The following MAD1L1 variants were observed in gnomAD, a reference collection of about 807,000 sequenced individuals.
The protein encoded by MAD1L1 is mitotic arrest deficient 1 like 1.
A neutral mutation model predicts 96.9 loss-of-function variants in MAD1L1; 95 were observed. That is an observed-to-expected ratio of 0.98 (90% confidence interval 0.83 to 1.16). MAD1L1 has a LOEUF of 1.16. MAD1L1 is among the 50% of genes most tolerant of loss of function. MAD1L1 has a pLI of 0.00. For synonymous variants in MAD1L1, 473 were observed against 396.6 expected (o/e 1.19, Z -2.29); for missense variants, 1,007 against 954.4 (o/e 1.06, Z -0.73).
At chr7:2,067,890 C>T (rs1360689082) in intron 12 of MAD1L1, among the ~76,000 whole-genome samples, 1 of 152,282 alleles carries the variant, frequency 6.6e-6, no homozygotes, top group African/African-American at 2.4e-5. Context: ...GTGCCACTGC[C>T]TGGCCCCGCT....
chr7:1,873,923 C>T (rs1244630367), intron 18 of MAD1L1, among the ~76,000 whole-genome samples: 1 of 152,154 alleles, frequency 6.6e-6, no homozygotes, highest in Non-Finnish European at 1.5e-5. Flanking sequence ...AGGGAGGAAG[C>T]GTGGAGCACA....
chr7:1,910,035 C>T (rs1787916961), intron 17 of MAD1L1, among the ~76,000 whole-genome samples: 1 of 152,296 alleles, frequency 6.6e-6, no homozygotes, highest in South Asian at 2.1e-4. Flanking sequence ...TTGCACAAAA[C>T]TGATATGAAA....
At chr7:1,982,795 C>T (rs949912338) in intron 14 of MAD1L1, among the ~76,000 whole-genome samples, 3 of 152,198 alleles carry the variant, frequency 2.0e-5, no homozygotes, top group African/African-American at 7.2e-5. Context: ...TTCACTGGAG[C>T]TGAAGCCAAT....
chr7:1,972,033 A>G (rs911622633), intron 15 of MAD1L1, among the ~76,000 whole-genome samples: 2 of 152,172 alleles, frequency 1.3e-5, no homozygotes, highest in Non-Finnish European at 2.9e-5. Context: ...TTAAACAGCA[A>G]TATCAAAAAC....
intron 18 of MAD1L1, among the ~76,000 whole-genome samples, chr7:1,840,226 C>A (rs1236718526): frequency 1.3e-5 from 2 of 152,222 alleles, no homozygotes; most frequent in African/African-American, 2.4e-5. Context: ...AGCCGGTGAG[C>A]GTGAGCAAGT....
At chr7:1,836,492 TCA>T (rs1469016136) in intron 18 of MAD1L1, among the ~76,000 whole-genome samples, 4 of 152,214 alleles carry the variant, frequency 2.6e-5, no homozygotes, top group African/African-American at 4.8e-5. Context: ...CCTGTAGGTC[TCA>T]GTCTTATTTC....
At chr7:1,934,880 C>T (rs535611415) in intron 17 of MAD1L1, among the ~76,000 whole-genome samples, 3 of 151,302 alleles carry the variant, frequency 2.0e-5, no homozygotes, top group Non-Finnish European at 2.9e-5. Flanking sequence ...AACAGACGGG[C>T]GAACCCGAGA....
rs537377327 is a variant in MAD1L1, at chr7:2,145,700, T to C, written c.1073+3452A>G. Among the ~76,000 whole-genome samples the C allele has an allele frequency of 2.2e-4, 34 of 152,310 alleles. No individual in the cohort carries two copies. The South Asian group carries it at 7.0e-3, about 32-fold the overall frequency. ...TCCTGCACCAGGTTGCACGGCAAGC[T>C]GACATCAGACCCTCCCTGGGCGGCC... On this transcript the variant is annotated intron_variant, in intron 11 of 18. Coordinates refer to ENST00000265854, the MANE Select transcript of MAD1L1 (RefSeq NM_001013836.2).
intron 10 of MAD1L1, among the ~76,000 whole-genome samples, chr7:2,184,366 C>T (rs1791358923): frequency 6.6e-6 from 1 of 152,098 alleles, no homozygotes; most frequent in African/African-American, 2.4e-5. Context: ...CACACAACCG[C>T]TGGAATAAAT....
chr7:1,979,614 T>C (rs1252272571), intron 15 of MAD1L1, among the ~76,000 whole-genome samples: 2 of 152,170 alleles, frequency 1.3e-5, no homozygotes, highest in African/African-American at 4.8e-5. Flanking sequence ...CAGAGAGCTC[T>C]AGAAAAGCAG....
intron 12 of MAD1L1, among the ~76,000 whole-genome samples, chr7:2,056,365 G>A (rs1376885612): frequency 2.6e-5 from 4 of 152,116 alleles, no homozygotes; most frequent in South Asian, 2.1e-4. Context: ...TGGGGCTCGC[G>A]CAGGCTCTTC....
intron 10 of MAD1L1, among the ~76,000 whole-genome samples, chr7:2,171,548 G>A (rs1790706509): frequency 7.3e-6 from 1 of 136,720 alleles, no homozygotes; most frequent in Non-Finnish European, 1.5e-5. Flanking sequence ...GCAAAGGACA[G>A]CAGAGAAGGA....
chr7:2,098,768 A>G (rs1786630153), intron 11 of MAD1L1, among the ~76,000 whole-genome samples: 1 of 152,250 alleles, frequency 6.6e-6, no homozygotes, highest in South Asian at 2.1e-4. Flanking sequence ...AGATCTACAC[A>G]CCACAGGGCT....
intron 12 of MAD1L1, among the ~76,000 whole-genome samples, chr7:2,045,135 A>G (rs1029192576): frequency 3.3e-5 from 5 of 151,878 alleles, no homozygotes; most frequent in Admixed American, 1.3e-4. Flanking sequence ...CAGAAAGGAC[A>G]TGAAAGGCTC....
intron 12 of MAD1L1, among the ~76,000 whole-genome samples, chr7:2,022,809 T>A (rs1020542056): frequency 9.9e-5 from 15 of 152,196 alleles, no homozygotes; most frequent in East Asian, 1.9e-4. Flanking sequence ...ATGCTGTTTA[T>A]AAGGAACCCA....
chr7:1,949,178 G>C (rs917449967), intron 16 of MAD1L1, among the ~76,000 whole-genome samples: 3 of 152,214 alleles, frequency 2.0e-5, no homozygotes, highest in Admixed American at 6.5e-5. Flanking sequence ...GCGGTCCAGA[G>C]TGTGTGCACA....
rs199843638 is a variant in MAD1L1 at position 1,929,751 on chromosome 7, T to TC, written c.1807+6935dup. Among the ~76,000 whole-genome samples the TC allele has an allele frequency of 5.1e-3, 458 of 89,638 alleles. 1 individual carries two copies. Among genetic ancestry groups the TC allele is most frequent in the African/African-American group, 0.019 (433 of 23,366 alleles). The allele number at this position is 89,638 out of a possible 152,430, so 58.8% of individuals were successfully genotyped here. A position where few individuals can be genotyped will look rare whatever the true frequency, so the allele number is the denominator to read the frequency against. ...CCCACTGCCACGTCCCCTCGCCCCG[T>TC]CCCCACTGCCACGTCCCCTCGCCCC... On this transcript the variant is annotated intron_variant, in intron 17 of 18. Transcript: ENST00000265854.
intron 11 of MAD1L1, among the ~76,000 whole-genome samples, chr7:2,087,907 C>T (rs1360792370): frequency 6.6e-6 from 1 of 152,190 alleles, no homozygotes; most frequent in African/African-American, 2.4e-5. Flanking sequence ...GGGAAAACCA[C>T]AACAGCGTGT....
chr7:2,016,006 C>T (rs1782524650), intron 12 of MAD1L1, among the ~76,000 whole-genome samples: 1 of 152,204 alleles, frequency 6.6e-6, no homozygotes, highest in Non-Finnish European at 1.5e-5. Context: ...CAGGTTCAAG[C>T]CCCAGCTCTG....
Sources: allele counts gnomAD v4.1 joint callset (sites outside exome capture counted in the v4.1 genomes callset), GRCh38; gene constraint gnomAD v4.1.1; transcripts MANE v1.5; gene names NCBI Gene and HGNC (gene_info 2026-07-23, HGNC 2026-07-21).